SUCO: variants seen among roughly 807,000 people sequenced by gnomAD.
The protein encoded by SUCO is SUN domain-containing ossification factor.
SUCO carries 57 observed loss-of-function variants against 148.1 expected under a neutral mutation model. That is an observed-to-expected ratio of 0.38 (90% CI 0.31 to 0.48). The LOEUF is 0.48. Among genes scored for constraint, SUCO ranks in the 20% least tolerant of loss-of-function variants. SUCO has a pLI of 0.96. For missense variants in SUCO, 1,331 were observed against 1,468.2 expected (o/e 0.91, Z 1.53); for synonymous variants, 470 against 502.7 (o/e 0.93, Z 0.87).
intron 2 of SUCO, chr1:172,552,517 G>T (rs577731835): frequency 5.5e-4 from 236 of 427,708 alleles, no homozygotes; most frequent in Non-Finnish European, 7.1e-4. Flanking sequence ...GTGGGTGTGT[G>T]TATCAACACA....
In SUCO at chr1:172,602,764, C is replaced by T. The variant is rs1446445265; in HGVS notation, c.3242C>T (p.Ser1081Phe). Residue 1081 changes from serine (S) to phenylalanine (F), a missense_variant, in exon 22 of 24, where the codon TCT (serine) becomes TTT (phenylalanine). Ser to Phe is a radical substitution (Grantham distance 155, BLOSUM62 -2). Around this residue, in one of 3 missense-constraint regions of SUCO, gnomAD observed 334 missense variants for 352.3 expected, o/e 0.95. Coordinates refer to ENST00000263688, the MANE Select transcript of SUCO (RefSeq NM_014283.5). ...TCATTCCCACTCATGAGATCCAAGTCTCTACAGTTAACTGGCAAAGAAGGT... is the reference window on the plus strand; with the variant it reads ...TCATTCCCACTCATGAGATCCAAGTTTCTACAGTTAACTGGCAAAGAAGGT... ...RTSFPLMRSK[S>F]LQLTGKEVDP... 1 of 1,612,746 alleles carries T rather than the reference C, an allele frequency of 6.2e-7. No homozygotes were observed. The highest frequency in any genetic ancestry group is 2.2e-5 in the East Asian group (1 of 44,820).
chr1:172,542,209 G>A (rs562235212), intron 1 of SUCO, among the ~76,000 whole-genome samples: 10 of 151,982 alleles, frequency 6.6e-5, no homozygotes, highest in Middle Eastern at 6.8e-3. Flanking sequence ...GAGAAACCCC[G>A]TCTCTACTAA....
At chr1:172,559,870 C>T (rs1654018653) in intron 6 of SUCO, among the ~76,000 whole-genome samples, 1 of 152,104 alleles carries the variant, frequency 6.6e-6, no homozygotes, top group Non-Finnish European at 1.5e-5. Flanking sequence ...CGTCTGGGAC[C>T]TGTTTTAGCT....
chr1:172,609,190 C>A, intron 23 of SUCO: 2 of 922,248 alleles, frequency 2.2e-6, no homozygotes, highest in Non-Finnish European at 1.3e-6. Flanking sequence ...CTAATCCTCA[C>A]CACAACCTGA....
At chr1:172,559,416 G>C (rs1653978153) in intron 6 of SUCO, among the ~76,000 whole-genome samples, 1 of 152,156 alleles carries the variant, frequency 6.6e-6, no homozygotes, top group African/African-American at 2.4e-5. Context: ...TTTTCTCAAT[G>C]TATCTGATGC....
At chr1:172,606,204 C>T (rs1657854498) in intron 22 of SUCO, among the ~76,000 whole-genome samples, 1 of 151,220 alleles carries the variant, frequency 6.6e-6, no homozygotes, top group Non-Finnish European at 1.5e-5. Context: ...ATAAGATTGG[C>T]ATGTAATATT....
At position 172,611,554 on chromosome 1, in the gene SUCO, T is replaced by C. The variant is rs1441994831; in HGVS notation, c.*1295T>C. The C allele has an allele frequency of 6.5e-6, 1 of 152,684 alleles. No homozygotes were observed. Among genetic ancestry groups the C allele is most frequent in the Non-Finnish European group, 1.5e-5 (1 of 68,032 alleles). 9.5% of individuals were successfully genotyped at this position (152,684 alleles called of 1,614,324 possible). On this transcript the variant is annotated 3_prime_UTR_variant, in exon 24 of 24. Coordinates refer to ENST00000263688, the MANE Select transcript of SUCO (RefSeq NM_014283.5). ...TGGGTATTGTTTGTAATGTGACTTA[T>C]TTAACGCCTTTTTTGTTTGTTTAAG... is the stretch of plus-strand genomic sequence containing the variant.
At chr1:172,597,912 T>C (rs146333817) in intron 19 of SUCO, among the ~76,000 whole-genome samples, 2 of 152,382 alleles carry the variant, frequency 1.3e-5, no homozygotes, top group East Asian at 1.9e-4. Context: ...TTACTTGTTT[T>C]CTTATTCTCT....
At chr1:172,567,423 G>A (rs1438286900) in intron 6 of SUCO, among the ~76,000 whole-genome samples, 2 of 152,134 alleles carry the variant, frequency 1.3e-5, no homozygotes, top group Admixed American at 1.3e-4. Flanking sequence ...CTTGTCTTCA[G>A]ATATAACCAC....
intron 7 of SUCO, among the ~76,000 whole-genome samples, chr1:172,569,787 A>G (rs1654815321): frequency 1.3e-5 from 2 of 152,172 alleles, no homozygotes; most frequent in Admixed American, 6.5e-5. Context: ...CTCATGGACA[A>G]GCTTCATTTT....
rs142492201 is a variant in SUCO at position 172,585,186 on chromosome 1, A to G, written c.1567+100A>G. On this transcript the variant is annotated intron_variant, in intron 16 of 23. Transcript: ENST00000263688. ...GAGTTAAGAAAATTTGATTGTTTAC[A>G]TTTAGAAATATAGAAATAATTCAGA... is the stretch of plus-strand genomic sequence containing the variant. 8.2e-6 allele frequency: 8 copies of G among 976,702 alleles called. No individual in the cohort carries two copies. The East Asian group carries it at 2.0e-4, about 24-fold the overall frequency. 60.5% of individuals were successfully genotyped at this position (976,702 alleles called of 1,614,324 possible). A position where few individuals can be genotyped will look rare whatever the true frequency, so the allele number is the denominator to read the frequency against.
chr1:172,533,749 C>T (rs1651800989), intron 1 of SUCO, among the ~76,000 whole-genome samples: 1 of 152,126 alleles, frequency 6.6e-6, no homozygotes, highest in African/African-American at 2.4e-5. Context: ...TAGAGGGAAC[C>T]ACCAAGTGCC....
At chr1:172,577,896 G>T (rs535563662) in intron 13 of SUCO, 77 bp downstream of exon 13, 3 of 1,134,702 alleles carry the variant, frequency 2.6e-6, no homozygotes, top group Admixed American at 2.3e-5. Context: ...TTAAAGTGAA[G>T]AAATAATTTT....
intron 17 of SUCO, among the ~76,000 whole-genome samples, chr1:172,587,177 G>C (rs12740436): frequency 0.19 from 28,620 of 151,774 alleles, 3,141 homozygotes; most frequent in South Asian, 0.27. Context: ...TTCCATATTA[G>C]TTTTTTAATA....
rs1658136271 is a variant in SUCO, at chr1:172,610,259, A to C, written c.3765A>C (p.Ter1255TyrextTer2). Residue 1255 changes from the stop codon to tyrosine (Y), a stop_lost, in exon 24 of 24, where the codon TAA becomes TAC. Transcript: ENST00000263688. ...TTACAGCAGTCTCGGGACATATCTA[A>C]AATTAATTGAACTTTTCATACAGAA... ...FGVTAVSGHI[*>Y] 6.4e-7 allele frequency: 1 copy of C among 1,570,576 alleles called. No homozygotes were observed. Among genetic ancestry groups the C allele is most frequent in the Non-Finnish European group, 8.6e-7 (1 of 1,163,630 alleles).
At chr1:172,535,876 G>A (rs755760002) in intron 1 of SUCO, among the ~76,000 whole-genome samples, 1 of 152,044 alleles carries the variant, frequency 6.6e-6, no homozygotes, top group Non-Finnish European at 1.5e-5. Flanking sequence ...TTGTCTTGTA[G>A]CCTTGAGTAC....
chr1:172,560,520 A>G (rs957064941), intron 6 of SUCO, among the ~76,000 whole-genome samples: 2 of 152,208 alleles, frequency 1.3e-5, no homozygotes, highest in African/African-American at 2.4e-5. Context: ...TCTTTAGTGC[A>G]TGACCTGTGT....
intron 15 of SUCO, among the ~76,000 whole-genome samples, chr1:172,580,143 T>G (rs1655775983): frequency 6.6e-6 from 1 of 151,114 alleles, no homozygotes; most frequent in South Asian, 2.1e-4. Context: ...CTCTTTCATC[T>G]CTCCTTCTAG....
chr1:172,589,310 A>G lies in SUCO; in HGVS notation c.2209A>G (p.Ile737Val), dbSNP rs769659561. Reference sequence around the variant, plus strand: ...TCTTTCTCAGTCTCTTCTTTTAGATATTACCCCAGAAATCAATCCCTTGCC... The same window carrying G: ...TCTTTCTCAGTCTCTTCTTTTAGATGTTACCCCAGAAATCAATCCCTTGCC... Reference protein sequence around the residue: ...QTLSQSLLLDITPEINPLPKI... With the variant: ...QTLSQSLLLDVTPEINPLPKI... Residue 737 changes from isoleucine (I) to valine (V), a missense_variant, in exon 18 of 24, where the codon ATT (isoleucine) becomes GTT (valine). Ile to Val is a conservative substitution (Grantham distance 29). Around this residue, in one of 3 missense-constraint regions of SUCO, gnomAD observed 992 missense variants for 1,093.5 expected, o/e 0.91. Transcript: ENST00000263688. 3.7e-6 allele frequency: 6 copies of G among 1,613,462 alleles called. No individual in the cohort carries two copies. The highest frequency in any genetic ancestry group is 3.3e-5 in the Admixed American group (2 of 59,946).
Sources: allele counts gnomAD v4.1 joint callset (sites outside exome capture counted in the v4.1 genomes callset), GRCh38; gene constraint gnomAD v4.1.1; regional missense constraint gnomAD v4.1.1; transcripts MANE v1.5; gene names NCBI Gene and HGNC (gene_info 2026-07-23, HGNC 2026-07-21).